Variants in PTPRA observed in about 807,000 individuals in gnomAD.
PTPRA encodes the protein receptor-type tyrosine-protein phosphatase alpha.
A neutral mutation model predicts 104.8 loss-of-function variants in PTPRA; 25 were observed. That is an observed-to-expected ratio of 0.24 (90% CI 0.17 to 0.33). PTPRA has a LOEUF of 0.33. Ranked by LOEUF, PTPRA falls within the 10% of genes least tolerant of loss-of-function variation. The pLI is 1.00. For synonymous variants in PTPRA, 323 were observed against 368.9 expected, an observed-to-expected ratio of 0.88 and a Z score of 1.43; for missense variants, 765 against 1,015.3, an observed-to-expected ratio of 0.75 and a Z score of 3.35.
chr20:2,864,852 C>T, the PTPRA span: 3 of 1,301,696 alleles, frequency 2.3e-6, no homozygotes, highest in Admixed American at 3.8e-5. The surrounding 1 kb of genome is among the most constrained non-coding windows in gnomAD (Gnocchi z 5.2). Context: ...CAGAGTGGTG[C>T]ACCTAGCAGG....
intron 1 of PTPRA, among the ~76,000 whole-genome samples, chr20:2,882,945 A>G (rs1247334930): frequency 1.4e-5 from 2 of 147,114 alleles, no homozygotes; most frequent in African/African-American, 5.0e-5. Flanking sequence ...TAATCCTAAT[A>G]TGAAATCCAA....
In PTPRA at chr20:3,022,049, C is replaced by T. The variant is rs773203186; in HGVS notation, c.1162-5C>T. ...GCCAACACACAGGATCTCCTCACTT[C>T]ACAGGTGGGCGACATGACCAACAGA... On this transcript the variant is annotated splice_region_variant and splice_polypyrimidine_tract_variant and intron_variant, in intron 14 of 23. Transcript: ENST00000399903. The surrounding 1 kb of genome is among the most constrained non-coding windows in gnomAD (Gnocchi z 4.6). 1.1e-5 allele frequency: 17 copies of T among 1,614,062 alleles called. No homozygotes were observed. Among genetic ancestry groups the T allele is most frequent in the South Asian group, 2.2e-5 (2 of 91,072 alleles).
At chr20:2,928,380 T>C (rs2060385601) in intron 2 of PTPRA, among the ~76,000 whole-genome samples, 1 of 152,172 alleles carries the variant, frequency 6.6e-6, no homozygotes, top group Non-Finnish European at 1.5e-5. Context: ...AGTGCTGGGA[T>C]TACAGGCGTG....
intron 17 of PTPRA, 81 bp downstream of exon 17, chr20:3,024,702 G>A: frequency 6.5e-7 from 1 of 1,531,450 alleles, no homozygotes; most frequent in East Asian, 2.3e-5. Context: ...CTGTGCATTT[G>A]CCAACAGTAA....
chr20:2,944,208 A>AT lies in PTPRA; in HGVS notation c.-49-3767dup, dbSNP rs763067024. Among the ~76,000 whole-genome samples the AT allele has an allele frequency of 1.7e-4, 26 of 151,860 alleles. No individual in the cohort carries two copies. In the East Asian group the frequency reaches 4.3e-3, roughly 25 times the overall value. The stretch of plus-strand genomic sequence containing the variant: ...GACACACACCACTACCACCTGGCTA[A>AT]TTTTTTTATTTTTAGTAGATATAGG... On this transcript the variant is annotated intron_variant, in intron 2 of 23. Coordinates refer to ENST00000399903, the MANE Select transcript of PTPRA (RefSeq NM_001385305.1).
At chr20:2,991,592 GAGGTAATATT>G (rs1257349330) in intron 9 of PTPRA, among the ~76,000 whole-genome samples, 2 of 152,132 alleles carry the variant, frequency 1.3e-5, no homozygotes, top group African/African-American at 4.8e-5. Context: ...TATTTGTTTG[GAGGTAATATT>G]CCCTGAGACT....
At chr20:2,977,291 CAAAA>C (rs60609555) in intron 6 of PTPRA, among the ~76,000 whole-genome samples, 1 of 119,852 alleles carries the variant, frequency 8.3e-6, no homozygotes. Context: ...GACTCTGTCT[CAAAA>C]AAAAAAAAAA....
intron 1 of PTPRA, among the ~76,000 whole-genome samples, chr20:2,898,185 C>T (rs924762099): frequency 6.6e-6 from 1 of 152,082 alleles, no homozygotes; most frequent in African/African-American, 2.4e-5. Flanking sequence ...CAAGCTCCGC[C>T]TCTCGGGTTC....
chr20:2,918,990 A>G (rs1366395529), intron 1 of PTPRA, among the ~76,000 whole-genome samples: 1 of 152,226 alleles, frequency 6.6e-6, no homozygotes, highest in Non-Finnish European at 1.5e-5. Context: ...TGTGCATTGT[A>G]CAATTTGATA....
the PTPRA span, chr20:2,866,375 G>A: frequency 1.2e-6 from 2 of 1,614,064 alleles, no homozygotes; most frequent in Non-Finnish European, 1.7e-6. Flanking sequence ...GTGAGAGGCA[G>A]GGTTTGTGCC....
chr20:2,956,985 G>A (rs560873766), intron 3 of PTPRA, among the ~76,000 whole-genome samples: 2 of 152,308 alleles, frequency 1.3e-5, no homozygotes, highest in South Asian at 2.1e-4. Context: ...CAGTGTGATA[G>A]ATTAAAAAAT....
At chr20:3,024,691 A>G (rs987557967) in intron 17 of PTPRA, 70 bp downstream of exon 17, 7 of 1,573,354 alleles carry the variant, frequency 4.4e-6, no homozygotes, top group Non-Finnish European at 2.6e-6. Context: ...GGGATGCCTG[A>G]CTGTGCATTT....
rs1462071501 is a variant in PTPRA at position 3,027,187 on chromosome 20, C to G, written c.1775C>G (p.Ser592Cys). 1 of 1,614,034 alleles carries G rather than the reference C, an allele frequency of 6.2e-7. No individual in the cohort carries two copies. The highest frequency in any genetic ancestry group is 8.5e-7 in the Non-Finnish European group (1 of 1,179,884). ...GEENTDYVNA[S>C]FIDGYRQKDS... is the part of the protein sequence containing the mutation. ...GAGAATACAGACTATGTGAACGCAT[C>G]CTTTATTGATGTAAGTGGTGGGTGT... Residue 592 changes from serine (S) to cysteine (C), a missense_variant, in exon 19 of 24, where the codon TCC becomes TGC. Around this residue, in one of 4 missense-constraint regions of PTPRA, gnomAD observed 192 missense variants for 227.0 expected, o/e 0.85. Transcript: ENST00000399903.
At chr20:3,023,333 G>A (rs1487577281) in intron 16 of PTPRA, among the ~76,000 whole-genome samples, 1 of 152,204 alleles carries the variant, frequency 6.6e-6, no homozygotes, top group African/African-American at 2.4e-5. Flanking sequence ...GAAGGGAAGG[G>A]TCTGTGCTGA....
rs542720077 is a variant in PTPRA at position 2,891,739 on chromosome 20, A to G, written c.-129+17979A>G. Among the ~76,000 whole-genome samples, 10 of 151,984 alleles carry G rather than the reference A, an allele frequency of 6.6e-5. No individual in the cohort carries two copies. In the South Asian group the frequency reaches 1.9e-3, roughly 28 times the overall value. On this transcript the variant is annotated intron_variant, in intron 1 of 23. Coordinates refer to ENST00000399903, the MANE Select transcript of PTPRA (RefSeq NM_001385305.1). ...GTCTCTTAGTATCTTCAGGTGATTG[A>G]TTCCAGGATCCCCCCCATGGAGATC...
chr20:2,874,270 G>T (rs1388575547), intron 1 of PTPRA, among the ~76,000 whole-genome samples: 1 of 152,106 alleles, frequency 6.6e-6, no homozygotes, highest in East Asian at 1.9e-4. Context: ...GGAAATAAGG[G>T]CTGAGAGCTG....
At chr20:3,032,636 CAT>C (rs1249922623) in intron 20 of PTPRA, among the ~76,000 whole-genome samples, 8 of 151,782 alleles carry the variant, frequency 5.3e-5, no homozygotes, top group Non-Finnish European at 5.9e-5. Context: ...CGCGATGGTG[CAT>C]GCCTGTGATC....
At chr20:2,875,822 C>CTG (rs1487261441) in intron 1 of PTPRA, among the ~76,000 whole-genome samples, 1 of 152,122 alleles carries the variant, frequency 6.6e-6, no homozygotes, top group Non-Finnish European at 1.5e-5. Flanking sequence ...CTCTGCCAGG[C>CTG]TGTGTAGGGA....
intron 6 of PTPRA, among the ~76,000 whole-genome samples, chr20:2,977,577 G>T (rs1253546595): frequency 2.0e-5 from 3 of 150,990 alleles, no homozygotes; most frequent in Non-Finnish European, 4.4e-5. Context: ...CCCAGGAAAT[G>T]GAGGTTGCAG....
Sources: gnomAD v4.1 joint callset for allele counts (sites outside exome capture counted in the v4.1 genomes callset) on GRCh38, gnomAD v4.1.1 for gene constraint, gnomAD v4.1.1 regional missense constraint, Gnocchi (gnomAD v3.1) non-coding constraint, MANE v1.5 for transcripts, NCBI Gene and HGNC (gene_info 2026-07-23, HGNC 2026-07-21) for gene names.